Variants in FOXK2 observed in about 807,000 individuals in gnomAD.
FOXK2 encodes forkhead box K2, also known as forkhead box protein K2.
FOXK2 carries 24 observed loss-of-function variants against 53.3 expected under a neutral mutation model. That is an observed-to-expected ratio of 0.45 (90% CI 0.33 to 0.63). The LOEUF (loss-of-function observed/expected upper bound fraction) is 0.63, where lower values mean the gene tolerates loss of function less well. FOXK2 is among the 30% of genes least tolerant of loss of function. The pLI, the probability that FOXK2 is intolerant of heterozygous loss-of-function variation, is 0.03. For missense variants in FOXK2, 952 were observed against 910.5 expected (o/e 1.05, Z -0.59); for synonymous variants, 505 against 407.1 (o/e 1.24, Z -2.89).
At chr17:82,545,778 C>T (rs757196857) in intron 1 of FOXK2, among the ~76,000 whole-genome samples, 13 of 152,050 alleles carry the variant, frequency 8.5e-5, no homozygotes, top group Admixed American at 6.6e-4. Context: ...GACGGGGTTT[C>T]ACCATGTTGG....
intron 8 of FOXK2, among the ~76,000 whole-genome samples, chr17:82,598,342 G>T (rs1405873004): frequency 6.6e-6 from 1 of 152,166 alleles, no homozygotes; most frequent in Non-Finnish European, 1.5e-5. Flanking sequence ...GGACCCGCCT[G>T]CCTCAGCCTC....
At chr17:82,567,845 A>T (rs2044868678) in intron 2 of FOXK2, among the ~76,000 whole-genome samples, 1 of 151,402 alleles carries the variant, frequency 6.6e-6, no homozygotes. Flanking sequence ...CTATTTCCAC[A>T]TTGCTTCTTG....
intron 4 of FOXK2, among the ~76,000 whole-genome samples, chr17:82,572,489 ATT>A (rs10569874): frequency 0.44 from 62,491 of 143,132 alleles, 13,336 homozygotes; most frequent in South Asian, 0.55. Context: ...CACACCAATA[ATT>A]TTTTTTTTTT....
At chr17:82,550,145 T>C (rs905930586) in intron 1 of FOXK2, among the ~76,000 whole-genome samples, 4 of 152,170 alleles carry the variant, frequency 2.6e-5, no homozygotes, top group Non-Finnish European at 5.9e-5. Context: ...GAGCCATGAT[T>C]GTGCCACTGC....
intron 8 of FOXK2, among the ~76,000 whole-genome samples, chr17:82,595,134 G>A (rs567518698): frequency 2.0e-5 from 3 of 152,348 alleles, no homozygotes; most frequent in South Asian, 4.1e-4. Flanking sequence ...TGGGGGCAAC[G>A]TGGGATGCAG....
chr17:82,567,614 CT>C (rs1248690002), intron 2 of FOXK2, among the ~76,000 whole-genome samples: 1 of 152,216 alleles, frequency 6.6e-6, no homozygotes, highest in Admixed American at 6.5e-5. Flanking sequence ...TGGCAGACCC[CT>C]CCCCTCCCCC....
intron 1 of FOXK2, among the ~76,000 whole-genome samples, chr17:82,528,419 T>G (rs2044439830): frequency 6.6e-6 from 1 of 152,192 alleles, no homozygotes; most frequent in Non-Finnish European, 1.5e-5. Flanking sequence ...CTGTTTAACA[T>G]TTTTGTGGGG....
At chr17:82,590,348 G>A (rs983363717) in intron 8 of FOXK2, among the ~76,000 whole-genome samples, 2 of 152,136 alleles carry the variant, frequency 1.3e-5, no homozygotes, top group African/African-American at 4.8e-5. Flanking sequence ...GGGAGGTAGT[G>A]TCTCACCATG....
At chr17:82,556,446 A>AG (rs941345463) in intron 1 of FOXK2, among the ~76,000 whole-genome samples, 2 of 151,928 alleles carry the variant, frequency 1.3e-5, no homozygotes, top group African/African-American at 4.8e-5. Flanking sequence ...TCCGTCTAAA[A>AG]AAAAAAAAAG....
intron 1 of FOXK2, among the ~76,000 whole-genome samples, chr17:82,528,381 G>T (rs2044439331): frequency 6.6e-6 from 1 of 152,206 alleles, no homozygotes; most frequent in South Asian, 2.1e-4. Flanking sequence ...AGTGAAAGCA[G>T]TTGGCATTTG....
chr17:82,594,455 G>A (rs924086270), intron 8 of FOXK2, among the ~76,000 whole-genome samples: 3 of 143,488 alleles, frequency 2.1e-5, no homozygotes, highest in East Asian at 2.0e-4. Flanking sequence ...CTGAGATCGC[G>A]CCACTGCACT....
intron 8 of FOXK2, among the ~76,000 whole-genome samples, chr17:82,597,544 T>G (rs931167158): frequency 1.3e-5 from 2 of 152,244 alleles, no homozygotes; most frequent in African/African-American, 4.8e-5. Context: ...GCCCCTCTGC[T>G]GTTACAGGGC....
intron 4 of FOXK2, among the ~76,000 whole-genome samples, chr17:82,579,004 G>T (rs938199894): frequency 2.0e-5 from 3 of 152,114 alleles, no homozygotes; most frequent in African/African-American, 7.2e-5. Flanking sequence ...TTCACTTCGG[G>T]GCTTGTTGAC....
At chr17:82,571,630 A>G (rs777315066) in intron 3 of FOXK2, 94 bp from the exon 4 acceptor site, 215 of 1,267,044 alleles carry the variant, frequency 1.7e-4, no homozygotes, top group Non-Finnish European at 1.5e-4. Context: ...TATCAGAGGA[A>G]CACTTAAAAG....
Position 82,587,279 on chromosome 17 carries a change from C to G in FOXK2, c.1786+7C>G, listed in dbSNP as rs576862943. 6.2e-7 allele frequency: 1 copy of G among 1,610,760 alleles called. No individual in the cohort carries two copies. The highest frequency in any genetic ancestry group is 8.5e-7 in the Non-Finnish European group (1 of 1,178,132). The stretch of plus-strand genomic sequence containing the variant: ...CACGGCCAGGTGAACAATGGTAAGA[C>G]ATGCTGGTCGGTGGCTCCCCGTGGC... On this transcript the variant is annotated splice_region_variant and intron_variant, in intron 8 of 8. Coordinates refer to ENST00000335255, the MANE Select transcript of FOXK2 (RefSeq NM_004514.4).
intron 4 of FOXK2, among the ~76,000 whole-genome samples, chr17:82,572,381 G>A (rs147095130): frequency 6.2e-4 from 94 of 152,266 alleles, no homozygotes; most frequent in Non-Finnish European, 1.0e-3. Flanking sequence ...AACGTGGTGT[G>A]CCCTGTCTCA....
intron 4 of FOXK2, chr17:82,577,187 A>G (rs2044998279): frequency 9.9e-7 from 1 of 1,014,952 alleles, no homozygotes; most frequent in Non-Finnish European, 1.5e-6. Flanking sequence ...AAAAAAAGAA[A>G]TGTATTCATT....
Position 82,573,562 on chromosome 17 carries a change from T to TCTCTCTCACA in FOXK2, c.909+1693_909+1694insTCTCTCACAC, listed in dbSNP as rs1185597025. Among the ~76,000 whole-genome samples the TCTCTCTCACA allele has an allele frequency of 1.1e-4, 9 of 83,366 alleles. No individual in the cohort carries two copies. The South Asian group carries it at 1.9e-3, about 18-fold the overall frequency. The allele number at this position is 83,366 out of a possible 152,430, so 54.7% of individuals were successfully genotyped here. A position where few individuals can be genotyped will look rare whatever the true frequency, so the allele number is the denominator to read the frequency against. ...CTCTCTCTCTCTCTCTCTCTCTCTC[T>TCTCTCTCACA]CACACACACACACACACACACACAC... is the stretch of plus-strand genomic sequence containing the variant. On this transcript the variant is annotated intron_variant, in intron 4 of 8. Coordinates refer to ENST00000335255, the MANE Select transcript of FOXK2 (RefSeq NM_004514.4).
At chr17:82,571,474 G>A (rs1005893819) in intron 3 of FOXK2, among the ~76,000 whole-genome samples, 3 of 151,960 alleles carry the variant, frequency 2.0e-5, no homozygotes, top group Admixed American at 6.6e-5. Context: ...GGTGGCAGGC[G>A]CCTGTGATCC....
Sources: allele counts gnomAD v4.1 joint callset (sites outside exome capture counted in the v4.1 genomes callset), GRCh38; gene constraint gnomAD v4.1.1; transcripts MANE v1.5; gene names NCBI Gene and HGNC (gene_info 2026-07-23, HGNC 2026-07-21).